The following ZBTB20 variants were observed in gnomAD, a reference collection of about 807,000 sequenced individuals.
ZBTB20 encodes the protein zinc finger and BTB domain-containing protein 20.
A neutral mutation model predicts 56.9 loss-of-function variants in ZBTB20; 9 were observed. That is an observed-to-expected ratio of 0.16 (90% CI 0.10 to 0.28). The LOEUF (loss-of-function observed/expected upper bound fraction) is 0.28, where lower values mean the gene tolerates loss of function less well. ZBTB20 is among the 10% of genes least tolerant of loss of function. ZBTB20 has a pLI of 1.00. For synonymous variants in ZBTB20, 417 were observed against 420.7 expected (o/e 0.99, Z 0.11); for missense variants, 655 against 1,003.0 (o/e 0.65, Z 4.69).
intron 7 of ZBTB20, among the ~76,000 whole-genome samples, chr3:114,431,957 C>A (rs1333127757): frequency 6.6e-6 from 1 of 152,258 alleles, no homozygotes; most frequent in Admixed American, 6.5e-5. Context: ...CACCAAAAAT[C>A]TCTAGTCATC....
At chr3:115,027,753 C>A (rs2080483945) in intron 2 of ZBTB20, among the ~76,000 whole-genome samples, 1 of 150,586 alleles carries the variant, frequency 6.6e-6, no homozygotes, top group Admixed American at 6.7e-5. Context: ...CAGATATATA[C>A]TAATAAAATT....
chr3:114,315,331 A>T lies in ZBTB20; in HGVS notation c.*23674T>A, dbSNP rs1474492861. 2 of 151,908 alleles carry T rather than the reference A, an allele frequency of 1.3e-5. No homozygotes were observed. Among genetic ancestry groups the T allele is most frequent in the East Asian group, 3.9e-4 (2 of 5,172 alleles). The allele number at this position is 151,908 out of a possible 1,614,324, so 9.4% of individuals were successfully genotyped here. The stretch of plus-strand genomic sequence containing the variant: ...TTTCCTTGCCTCTCCCTCTTTCCAA[A>T]CTCTTCCTCAATTCCCAGGTCTTTG... On this transcript the variant is annotated 3_prime_UTR_variant, in exon 12 of 12. Transcript: ENST00000675478.
chr3:114,798,645 G>C (rs1431353491), intron 5 of ZBTB20, among the ~76,000 whole-genome samples: 1 of 151,856 alleles, frequency 6.6e-6, no homozygotes, highest in Non-Finnish European at 1.5e-5. Context: ...GCCTCAATTT[G>C]CTTATTTAAA....
intron 1 of ZBTB20, among the ~76,000 whole-genome samples, chr3:115,127,902 A>T (rs1354672467): frequency 1.1e-4 from 17 of 152,314 alleles, no homozygotes; most frequent in African/African-American, 4.1e-4. Flanking sequence ...AAGAAACTGA[A>T]ATAATAAGAA....
intron 4 of ZBTB20, among the ~76,000 whole-genome samples, chr3:114,828,067 T>A (rs533438921): frequency 3.3e-5 from 5 of 151,886 alleles, no homozygotes; most frequent in Non-Finnish European, 1.5e-5. Context: ...TTTGCAAATA[T>A]ATGTTTTACA....
intron 4 of ZBTB20, among the ~76,000 whole-genome samples, chr3:114,834,574 A>G (rs1038588466): frequency 6.6e-6 from 1 of 152,178 alleles, no homozygotes; most frequent in African/African-American, 2.4e-5. Flanking sequence ...CTTTGGTGCT[A>G]AAATATTTTA....
intron 2 of ZBTB20, among the ~76,000 whole-genome samples, chr3:114,979,943 GT>G (rs2078263832): frequency 6.6e-6 from 1 of 151,998 alleles, no homozygotes; most frequent in African/African-American, 2.4e-5. Context: ...CTGAAATAAA[GT>G]CAAATTCCAT....
At chr3:114,644,359 C>T (rs542889649) in intron 6 of ZBTB20, among the ~76,000 whole-genome samples, 1 of 152,104 alleles carries the variant, frequency 6.6e-6, no homozygotes, top group Non-Finnish European at 1.5e-5. Context: ...ACAAATTTGC[C>T]AGTGCCACCA....
chr3:115,033,125 A>G (rs1322201243), intron 2 of ZBTB20, among the ~76,000 whole-genome samples: 1 of 151,260 alleles, frequency 6.6e-6, no homozygotes, highest in African/African-American at 2.4e-5. Context: ...GGATATATAT[A>G]CTAAGAAAAA....
At chr3:114,410,396 T>C (rs745618172) in intron 7 of ZBTB20, among the ~76,000 whole-genome samples, 4 of 152,064 alleles carry the variant, frequency 2.6e-5, no homozygotes, top group Non-Finnish European at 4.4e-5. Context: ...TTAGGAGTTT[T>C]TGGAAGAGGA....
intron 2 of ZBTB20, among the ~76,000 whole-genome samples, chr3:115,035,827 T>G (rs559369554): frequency 1.3e-5 from 2 of 152,300 alleles, no homozygotes; most frequent in South Asian, 4.1e-4. Context: ...TTCAAGTGTC[T>G]ATTGGATGGA....
At chr3:114,395,786 G>A (rs1001274977) in intron 7 of ZBTB20, among the ~76,000 whole-genome samples, 1 of 152,026 alleles carries the variant, frequency 6.6e-6, no homozygotes, top group African/African-American at 2.4e-5. Context: ...GAAGACCCCT[G>A]GGATGGCCCT....
Position 114,603,352 on chromosome 3 carries a change from G to A in ZBTB20, c.-295+90176C>T, listed in dbSNP as rs117301316. ...GCTTATCAAGTTCTGAGAACAGTATGGTTTCTTTTTCCTCAGATCCTCTTT... is the reference window on the plus strand; with the variant it reads ...GCTTATCAAGTTCTGAGAACAGTATAGTTTCTTTTTCCTCAGATCCTCTTT... On this transcript the variant is annotated intron_variant, in intron 6 of 11. Coordinates refer to ENST00000675478, the MANE Select transcript of ZBTB20 (RefSeq NM_001348800.3). Among the ~76,000 whole-genome samples, 65 of 151,916 alleles carry A rather than the reference G, an allele frequency of 4.3e-4. No homozygotes were observed. The East Asian group carries it at 0.012, about 28-fold the overall frequency.
At chr3:114,969,651 C>T (rs1170584424) in intron 3 of ZBTB20, among the ~76,000 whole-genome samples, 1 of 152,128 alleles carries the variant, frequency 6.6e-6, no homozygotes, top group South Asian at 2.1e-4. Context: ...ATTACTATGG[C>T]AAATACTCTA....
chr3:114,823,043 G>T (rs1403599), intron 4 of ZBTB20, among the ~76,000 whole-genome samples: 104,483 of 151,974 alleles, frequency 0.69, 40,255 homozygotes, highest in East Asian at 0.96. Context: ...AGCATTCTTC[G>T]GTCAACTAAG....
intron 3 of ZBTB20, 142 bp from the exon 4 acceptor site, chr3:114,900,484 T>A (rs566135779): frequency 6.7e-6 from 1 of 149,538 alleles, no homozygotes; most frequent in African/African-American, 2.5e-5. Flanking sequence ...ATTTTCCCTA[T>A]AGGATATTTC....
At chr3:115,068,020 G>GAAAAC (rs1359712578) in intron 2 of ZBTB20, among the ~76,000 whole-genome samples, 4 of 151,968 alleles carry the variant, frequency 2.6e-5, no homozygotes. Flanking sequence ...AACTGAAACT[G>GAAAAC]GTTCTTTTCT....
At chr3:114,819,321 T>A (rs2073114477) in intron 4 of ZBTB20, among the ~76,000 whole-genome samples, 1 of 151,892 alleles carries the variant, frequency 6.6e-6, no homozygotes, top group Non-Finnish European at 1.5e-5. Context: ...AATATTCCAA[T>A]GAAACATTTT....
chr3:114,541,466 T>A (rs2049102754), intron 6 of ZBTB20, among the ~76,000 whole-genome samples: 2 of 152,156 alleles, frequency 1.3e-5, no homozygotes, highest in Admixed American at 1.3e-4. Flanking sequence ...ATAATCAATA[T>A]GGCTGGAAAA....
Sources: gnomAD v4.1 joint callset for allele counts (sites outside exome capture counted in the v4.1 genomes callset) on GRCh38, gnomAD v4.1.1 for gene constraint, MANE v1.5 for transcripts, NCBI Gene and HGNC (gene_info 2026-07-23, HGNC 2026-07-21) for gene names.